PPP2R1A: variants seen among roughly 807,000 people sequenced by gnomAD.
The protein encoded by PPP2R1A is protein phosphatase 2 scaffold subunit Aalpha.
A neutral mutation model predicts 67.1 loss-of-function variants in PPP2R1A; 15 were observed. That is an observed-to-expected ratio of 0.22 (90% CI 0.15 to 0.34). The LOEUF (loss-of-function observed/expected upper bound fraction) is 0.34, where lower values mean the gene tolerates loss of function less well. Among genes scored for constraint, PPP2R1A ranks in the 10% least tolerant of loss-of-function variants. PPP2R1A has a pLI of 1.00. For synonymous variants in PPP2R1A, 337 were observed against 325.0 expected (o/e 1.04, Z -0.40); for missense variants, 369 against 775.0 (o/e 0.48, Z 6.22).
At position 52,226,078 on chromosome 19, in the gene PPP2R1A, C is replaced by A. The variant is rs1319250770; in HGVS notation, c.*97C>A. 12 of 1,573,948 alleles carry A rather than the reference C, an allele frequency of 7.6e-6. No individual in the cohort carries two copies. Among genetic ancestry groups the A allele is most frequent in the Non-Finnish European group, 1.0e-5 (12 of 1,144,642 alleles). On this transcript the variant is annotated 3_prime_UTR_variant, in exon 15 of 15. Coordinates refer to ENST00000322088, the MANE Select transcript of PPP2R1A (RefSeq NM_014225.6). ...CACTGGGGGGCCTTTGGCTGTCACT[C>A]CCTGTGCATGGTCTGACCCCAGGCC...
At chr19:52,197,088 T>C (rs2089503405) in intron 1 of PPP2R1A, among the ~76,000 whole-genome samples, 1 of 152,208 alleles carries the variant, frequency 6.6e-6, no homozygotes, top group African/African-American at 2.4e-5. Context: ...TCATCTGCAA[T>C]TCCCAGGCAG....
Position 52,226,036 on chromosome 19 carries a change from G to A in PPP2R1A, c.*55G>A. The A allele has an allele frequency of 1.9e-6, 3 of 1,613,146 alleles. No homozygotes were observed. Among genetic ancestry groups the A allele is most frequent in the Middle Eastern group, 1.6e-4 (1 of 6,062 alleles). On this transcript the variant is annotated 3_prime_UTR_variant, in exon 15 of 15. Coordinates refer to ENST00000322088, the MANE Select transcript of PPP2R1A (RefSeq NM_014225.6). ...GGTGTCCACCCTCCAACCCCCACAA[G>A]TCCCTCTTTGGGGAGACACTGGGGG...
At chr19:52,215,693 G>T in intron 6 of PPP2R1A, 86 bp from the exon 7 acceptor site, 1 of 1,084,212 alleles carries the variant, frequency 9.2e-7, no homozygotes, top group Non-Finnish European at 1.4e-6. Context: ...CCCTAATTCT[G>T]GTGCCTTCAC....
intron 1 of PPP2R1A, among the ~76,000 whole-genome samples, chr19:52,193,826 G>T (rs1298363904): frequency 6.6e-6 from 1 of 151,846 alleles, no homozygotes; most frequent in Non-Finnish European, 1.5e-5. Context: ...AAAGTGCTGG[G>T]ATTACAGGCA....
chr19:52,196,470 T>C (rs16983545), intron 1 of PPP2R1A, among the ~76,000 whole-genome samples: 1,725 of 152,272 alleles, frequency 0.011, 37 homozygotes, highest in African/African-American at 0.04. Flanking sequence ...CACTTTTTAG[T>C]GCAGTTTAGC....
At position 52,220,963 on chromosome 19, in the gene PPP2R1A, C is replaced by G. The variant is rs8100816; in HGVS notation, c.1364-16C>G. The stretch of plus-strand genomic sequence containing the variant: ...ACCTCCAAATCCCTGTCTCTCTCAC[C>G]CTCACCCTTCTGCAGTATATGCCAT... On this transcript the variant is annotated splice_polypyrimidine_tract_variant and intron_variant, in intron 11 of 14. Coordinates refer to ENST00000322088, the MANE Select transcript of PPP2R1A (RefSeq NM_014225.6). The G allele has an allele frequency of 8.9e-4, 1,433 of 1,613,768 alleles. 7 individuals are homozygous for G. The African/African-American group carries it at 0.017, about 19-fold the overall frequency.
chr19:52,221,824 C>T (rs925065175), intron 12 of PPP2R1A, among the ~76,000 whole-genome samples: 5 of 152,216 alleles, frequency 3.3e-5, no homozygotes, highest in African/African-American at 1.2e-4. Context: ...CCACGCCACT[C>T]TCTGGAGAGC....
intron 1 of PPP2R1A, among the ~76,000 whole-genome samples, chr19:52,195,908 C>T (rs1198229814): frequency 1.3e-5 from 2 of 152,134 alleles, no homozygotes; most frequent in African/African-American, 4.8e-5. Flanking sequence ...TGGTGATCAC[C>T]TTGACCTTCA....
rs1357134265 is a variant in PPP2R1A, at chr19:52,215,853, T to C, written c.882T>C (p.Cys294=). Residue 294 remains cysteine (C), a synonymous_variant, in exon 7 of 15, where the codon TGT becomes TGC. Transcript: ENST00000322088. ...CCTTCCAGAACCTGATGAAAGACTG[T>C]GAGGCCGAGGTGAGGGCCGCAGCCT... ...VPAFQNLMKD[C]EAEVRAAASH... 4.3e-6 allele frequency: 7 copies of C among 1,613,838 alleles called. No homozygotes were observed. The highest frequency in any genetic ancestry group is 5.1e-6 in the Non-Finnish European group (6 of 1,179,924).
At chr19:52,209,734 A>G (rs1229644954) in intron 3 of PPP2R1A, among the ~76,000 whole-genome samples, 1 of 152,112 alleles carries the variant, frequency 6.6e-6, no homozygotes, top group East Asian at 1.9e-4. Context: ...TAGATTCCTC[A>G]TATAAGTGGA....
chr19:52,199,842 G>A (rs543489549), intron 1 of PPP2R1A, among the ~76,000 whole-genome samples: 5 of 152,226 alleles, frequency 3.3e-5, no homozygotes, highest in East Asian at 3.9e-4. Context: ...CTCTATATAC[G>A]TTTTATTTTT....
rs1017879738 is a variant in PPP2R1A, at chr19:52,226,464, C to T, written c.*483C>T. On this transcript the variant is annotated 3_prime_UTR_variant, in exon 15 of 15. Coordinates refer to ENST00000322088, the MANE Select transcript of PPP2R1A (RefSeq NM_014225.6). ...CATCAGCTTGGAGGAGGGGGCACCACCCCAGAGCCACAACATCTGCGCTTT... is the reference window on the plus strand; with the variant it reads ...CATCAGCTTGGAGGAGGGGGCACCATCCCAGAGCCACAACATCTGCGCTTT... 2.8e-5 allele frequency: 7 copies of T among 246,068 alleles called. No homozygotes were observed. Among genetic ancestry groups the T allele is most frequent in the Non-Finnish European group, 4.0e-5 (5 of 126,496 alleles). 15.2% of individuals were successfully genotyped at this position (246,068 alleles called of 1,614,324 possible).
chr19:52,205,673 G>T (rs1160334190), intron 2 of PPP2R1A, among the ~76,000 whole-genome samples: 1 of 152,214 alleles, frequency 6.6e-6, no homozygotes, highest in African/African-American at 2.4e-5. Flanking sequence ...GGGAGGGATG[G>T]TGAACACCAT....
Position 52,227,999 on chromosome 19 carries a change from A to C in PPP2R1A, c.*2018A>C, listed in dbSNP as rs896757002. 1 of 152,198 alleles carries C rather than the reference A, an allele frequency of 6.6e-6. No homozygotes were observed. The highest frequency in any genetic ancestry group is 2.4e-5 in the African/African-American group (1 of 41,442). The allele number at this position is 152,198 out of a possible 1,614,324, so 9.4% of individuals were successfully genotyped here. A position where few individuals can be genotyped will look rare whatever the true frequency, so the allele number is the denominator to read the frequency against. On this transcript the variant is annotated 3_prime_UTR_variant, in exon 15 of 15. Transcript: ENST00000322088. ...TCATTTTAACAAGATGCCCAGGTTC[A>C]TCTGCACACTGAAGTTAGAGAAGTC...
rs112253320 is a variant in PPP2R1A, at chr19:52,212,557, A to T, written c.504-129A>T. ...AGCTCCGTTTCATAGGGCTGGGAAG[A>T]CAGAGAGGGGGTCATCACTTGCCCA... is the stretch of plus-strand genomic sequence containing the variant. On this transcript the variant is annotated intron_variant, in intron 4 of 14. Transcript: ENST00000322088. The surrounding 1 kb of genome is among the most constrained non-coding windows in gnomAD (Gnocchi z 4.1). The T allele has an allele frequency of 1.8e-6, 2 of 1,122,280 alleles. No homozygotes were observed. Among genetic ancestry groups the T allele is most frequent in the Admixed American group, 4.8e-5 (2 of 41,954 alleles). 69.5% of individuals were successfully genotyped at this position (1,122,280 alleles called of 1,614,324 possible).
chr19:52,198,168 GCT>G (rs938099580), intron 1 of PPP2R1A, among the ~76,000 whole-genome samples: 1 of 152,130 alleles, frequency 6.6e-6, no homozygotes, highest in Non-Finnish European at 1.5e-5. Context: ...GAAAATTGAG[GCT>G]CAGAAAGGTA....
chr19:52,220,127 A>C (rs1978825521), intron 10 of PPP2R1A, 62 bp from the exon 11 acceptor site: 8 of 1,554,086 alleles, frequency 5.1e-6, no homozygotes, highest in Non-Finnish European at 7.1e-6. Flanking sequence ...GGATGTGGCT[A>C]GCAGCTCCCC....
Position 52,212,132 on chromosome 19 carries a change from C to T in PPP2R1A, c.504-554C>T, listed in dbSNP as rs1385440656. 6.6e-6 allele frequency among the ~76,000 whole-genome samples: 1 copy of T among 152,258 alleles called. No homozygotes were observed. Among genetic ancestry groups the T allele is most frequent in the Non-Finnish European group, 1.5e-5 (1 of 68,050 alleles). On this transcript the variant is annotated intron_variant, in intron 4 of 14. Transcript: ENST00000322088. This position sits in a 1 kb window ranked among gnomAD's most constrained non-coding sequence, Gnocchi z 4.1. The stretch of plus-strand genomic sequence containing the variant: ...ATAGGATCTCGCTCTGTCATCCAGG[C>T]TGAAGTGCACTGGTGCAGTCATAGC...
At chr19:52,208,808 T>C (rs934717719) in intron 3 of PPP2R1A, among the ~76,000 whole-genome samples, 2 of 152,240 alleles carry the variant, frequency 1.3e-5, no homozygotes, top group Non-Finnish European at 1.5e-5. Flanking sequence ...CAGCAGTTCC[T>C]AACTCTTTTG....
Sources: gnomAD v4.1 joint callset for allele counts (sites outside exome capture counted in the v4.1 genomes callset) on GRCh38, gnomAD v4.1.1 for gene constraint, Gnocchi (gnomAD v3.1) non-coding constraint, MANE v1.5 for transcripts, NCBI Gene and HGNC (gene_info 2026-07-23, HGNC 2026-07-21) for gene names.